Variants in ATAD5 observed in about 807,000 individuals in gnomAD.
ATAD5 encodes the protein ATPase family AAA domain-containing protein 5.
Under a neutral mutation model 176.9 loss-of-function variants are expected in ATAD5, and 58 were observed. The observed-to-expected ratio is 0.33, with a 90% CI of 0.27 to 0.41. The LOEUF is 0.41. Among genes scored for constraint, ATAD5 ranks in the 10% least tolerant of loss-of-function variants. ATAD5 has a pLI of 1.00. For synonymous variants in ATAD5, 640 were observed against 712.6 expected (o/e 0.90, Z 1.62); for missense variants, 1,789 against 2,094.1 (o/e 0.85, Z 2.84).
intron 15 of ATAD5, among the ~76,000 whole-genome samples, chr17:30,876,853 A>T (rs111751726): frequency 0.027 from 4,012 of 151,340 alleles, 193 homozygotes; most frequent in African/African-American, 0.092. Context: ...AGTAGCTGGG[A>T]TTACTGGTGC....
intron 9 of ATAD5, 146 bp downstream of exon 9, chr17:30,858,469 T>A: frequency 2.1e-6 from 1 of 465,986 alleles, no homozygotes; most frequent in South Asian, 8.3e-5. Flanking sequence ...CACTGCAACC[T>A]CTGCTTCCTG....
At chr17:30,844,141 A>T in intron 5 of ATAD5, 102 bp downstream of exon 5, 1 of 1,043,798 alleles carries the variant, frequency 9.6e-7, no homozygotes, top group African/African-American at 1.7e-5. Flanking sequence ...TTATTTATTT[A>T]TTTTTGAGAC....
Position 30,868,398 on chromosome 17 carries a change from A to G in ATAD5, c.3299A>G (p.Asp1100Gly). Residue 1100 changes from aspartate to glycine, a missense_variant, in exon 12 of 23, where the codon GAT (aspartate) becomes GGT (glycine). This residue lies in a region of ATAD5 where 487 missense variants were observed against 573.6 expected (regional missense o/e 0.85). Coordinates refer to ENST00000321990, the MANE Select transcript of ATAD5 (RefSeq NM_024857.5). Reference sequence around the variant, plus strand: ...AGGCAGAATCTGAAGGGAAAAAGAGATGAGAAACATGAAGGTATTTTGTGT... The same window carrying G: ...AGGCAGAATCTGAAGGGAAAAAGAGGTGAGAAACATGAAGGTATTTTGTGT... ...EERQNLKGKR[D>G]EKHEDFSGGI... 6.4e-7 allele frequency: 1 copy of G among 1,559,362 alleles called. No homozygotes were observed. The highest frequency in any genetic ancestry group is 8.6e-7 in the Non-Finnish European group (1 of 1,157,066).
chr17:30,853,236 C>G (rs1597967066), intron 6 of ATAD5, among the ~76,000 whole-genome samples: 1 of 151,960 alleles, frequency 6.6e-6, no homozygotes, highest in East Asian at 1.9e-4. Context: ...CAAACCATAC[C>G]AGCTATATAT....
At chr17:30,836,136 T>G in intron 2 of ATAD5, 88 bp downstream of exon 2, 1 of 1,179,258 alleles carries the variant, frequency 8.5e-7, no homozygotes, top group Non-Finnish European at 1.2e-6. Flanking sequence ...GAGGGTATTT[T>G]TTTTTCTAGA....
At chr17:30,862,803 A>G (rs1367655763) in intron 10 of ATAD5, 1 of 152,200 alleles carries the variant, frequency 6.6e-6, no homozygotes, top group South Asian at 2.1e-4. Context: ...ATAGCTTTAT[A>G]CAGGATGAAT....
intron 7 of ATAD5, 70 bp downstream of exon 7, chr17:30,855,397 T>C: frequency 7.1e-7 from 1 of 1,405,664 alleles, no homozygotes; most frequent in Non-Finnish European, 9.5e-7. Flanking sequence ...TATGTAAGTT[T>C]CTTAAAGATG....
At chr17:30,856,149 G>GGCAA (rs1567686209) in intron 7 of ATAD5, among the ~76,000 whole-genome samples, 2 of 152,168 alleles carry the variant, frequency 1.3e-5, no homozygotes, top group African/African-American at 4.8e-5. Flanking sequence ...TGAGCAGAGA[G>GGCAA]GCAAGCACAG....
chr17:30,842,297 A>G (rs747120836), intron 4 of ATAD5, among the ~76,000 whole-genome samples: 6 of 145,146 alleles, frequency 4.1e-5, no homozygotes, highest in Non-Finnish European at 9.0e-5. Context: ...AAATAAATAA[A>G]TAATAAATAA....
At chr17:30,837,074 T>C (rs1905791894) in intron 2 of ATAD5, 132 bp from the exon 3 acceptor site, 1 of 540,362 alleles carries the variant, frequency 1.9e-6, no homozygotes, top group South Asian at 2.6e-5. Flanking sequence ...AATCCTTCCA[T>C]ATTAGGGTCC....
intron 4 of ATAD5, among the ~76,000 whole-genome samples, chr17:30,843,225 G>A (rs915000224): frequency 2.6e-5 from 4 of 151,856 alleles, no homozygotes; most frequent in East Asian, 3.9e-4. Context: ...GGTGGTGTGC[G>A]CCTGTAGTCC....
At position 30,892,505 on chromosome 17, in the gene ATAD5, G is replaced by GT. The variant is rs1909692486; in HGVS notation, c.4259-101dup. On this transcript the variant is annotated intron_variant, in intron 19 of 22. Transcript: ENST00000321990. ...CACATATGTAGAGAACTAAATGGGG[G>GT]TATTTGTCCAGAAGATGTCAAAGGA... The GT allele has an allele frequency of 9.3e-6, 6 of 647,166 alleles. No homozygotes were observed. In the East Asian group the frequency reaches 1.9e-4, roughly 20 times the overall value. 40.1% of individuals were successfully genotyped at this position (647,166 alleles called of 1,614,324 possible).
At chr17:30,881,404 A>G (rs1466795667) in intron 18 of ATAD5, among the ~76,000 whole-genome samples, 1 of 152,068 alleles carries the variant, frequency 6.6e-6, no homozygotes, top group African/African-American at 2.4e-5. Flanking sequence ...GGTTCAAGCA[A>G]TTCTCCCACC....
intron 19 of ATAD5, among the ~76,000 whole-genome samples, chr17:30,891,184 G>A (rs1320290333): frequency 2.0e-5 from 3 of 152,128 alleles, no homozygotes; most frequent in African/African-American, 7.2e-5. Flanking sequence ...GCCCTCTGAT[G>A]ATAATTGTAC....
chr17:30,850,901 T>TGAGATAGAG, intron 6 of ATAD5, among the ~76,000 whole-genome samples: 1 of 94,250 alleles, frequency 1.1e-5, no homozygotes, highest in Non-Finnish European at 2.1e-5. Context: ...TTTTTTTTTT[T>TGAGATAGAG]TGAGATAGAG....
chr17:30,868,548 C>A, intron 12 of ATAD5, 136 bp downstream of exon 12: 1 of 521,972 alleles, frequency 1.9e-6, no homozygotes, highest in Non-Finnish European at 2.8e-6. Flanking sequence ...TGCTCTGTTT[C>A]CCATAGTGGA....
rs750121122 is a variant in ATAD5, at chr17:30,892,659, C to A, written c.4311C>A (p.Asn1437Lys). 8.1e-6 allele frequency: 13 copies of A among 1,595,522 alleles called. No homozygotes were observed. The highest frequency in any genetic ancestry group is 1.8e-5 in the Admixed American group (1 of 56,740). ...TTTGCTCTGAACATGGCCTTGATAA[C>A]AAAATTTACCCTAAAAATACTAAAA... is the stretch of plus-strand genomic sequence containing the variant. Reference protein sequence around the residue: ...QLVCSEHGLDNKIYPKNTKKK... With the variant: ...QLVCSEHGLDKKIYPKNTKKK... The change falls in exon 20 of 23, where the codon AAC (asparagine) becomes AAA (lysine). Residue 1437 changes from asparagine to lysine, a missense_variant. Physicochemically the swap from Asn to Lys is moderately conservative, Grantham distance 94. This residue lies in a region of ATAD5 where 403 missense variants were observed against 495.1 expected (regional missense o/e 0.81). Coordinates refer to ENST00000321990, the MANE Select transcript of ATAD5 (RefSeq NM_024857.5).
rs1035251007 is a variant in ATAD5 at position 30,835,963 on chromosome 17, CAA to C, written c.1886_1887del (p.Lys629SerfsTer21). On this transcript the variant is annotated frameshift_variant, in exon 2 of 23. Coordinates refer to ENST00000321990, the MANE Select transcript of ATAD5 (RefSeq NM_024857.5). LOFTEE classifies it high-confidence loss of function. ...QDNSQLKAST[Q>X]KAANLSEKHS... is the part of the protein sequence containing the mutation. ...TAATAGTCAACTAAAGGCTTCCACT[CAA>C]AAAGCAGCCAACTTATCGGAAAAGC... 1 of 1,613,928 alleles carries C rather than the reference CAA, an allele frequency of 6.2e-7. No individual in the cohort carries two copies. Among genetic ancestry groups the C allele is most frequent in the African/African-American group, 1.3e-5 (1 of 74,900 alleles).
chr17:30,845,074 G>T lies in ATAD5; in HGVS notation c.2450+158G>T, dbSNP rs530523912. ...ATTGACAGTGCTGCAACTGCTATTTGAATATCTTGGTTTTTTGCAAGTGCT... is the reference window on the plus strand; with the variant it reads ...ATTGACAGTGCTGCAACTGCTATTTTAATATCTTGGTTTTTTGCAAGTGCT... On this transcript the variant is annotated intron_variant, in intron 6 of 22. Transcript: ENST00000321990. Among the ~76,000 whole-genome samples, 17 of 152,296 alleles carry T rather than the reference G, an allele frequency of 1.1e-4. No individual in the cohort carries two copies. The South Asian group carries it at 3.1e-3, about 28-fold the overall frequency.
Sources: allele counts gnomAD v4.1 joint callset (sites outside exome capture counted in the v4.1 genomes callset), GRCh38; gene constraint gnomAD v4.1.1; regional missense constraint gnomAD v4.1.1; transcripts MANE v1.5; gene names NCBI Gene and HGNC (gene_info 2026-07-23, HGNC 2026-07-21).